Variants in RPH3AL observed in about 807,000 individuals in gnomAD.
The protein encoded by RPH3AL is rab effector Noc2.
In RPH3AL, 38 loss-of-function variants were observed where a neutral mutation model predicts 43.1. The ratio of observed to expected loss-of-function variants is 0.88; its 90% CI spans 0.68 to 1.15. The LOEUF is 1.15. Among genes scored for constraint, RPH3AL ranks in the 50% most tolerant of loss-of-function variants. The pLI is 0.00. For synonymous variants in RPH3AL, 189 were observed against 176.3 expected (o/e 1.07, Z -0.57); for missense variants, 462 against 423.2 (o/e 1.09, Z -0.81).
At chr17:261,309 G>A (rs1045212667) in intron 6 of RPH3AL, among the ~76,000 whole-genome samples, 5 of 152,180 alleles carry the variant, frequency 3.3e-5, no homozygotes, top group African/African-American at 9.7e-5. Flanking sequence ...GAGGGTGATC[G>A]CTGCCCTTAT....
intron 6 of RPH3AL, among the ~76,000 whole-genome samples, chr17:266,212 G>A (rs115440024): frequency 0.01 from 1,544 of 151,958 alleles, 27 homozygotes; most frequent in African/African-American, 0.035. Flanking sequence ...TGGTGTGTGT[G>A]TGTGTGTGTG....
chr17:315,152 G>T (rs2043915691), intron 5 of RPH3AL, among the ~76,000 whole-genome samples: 1 of 149,880 alleles, frequency 6.7e-6, no homozygotes, highest in Non-Finnish European at 1.5e-5. Context: ...CCATTGACCT[G>T]TAGTCCCTGT....
chr17:321,998 G>A (rs1265420615), intron 3 of RPH3AL, among the ~76,000 whole-genome samples: 1 of 152,226 alleles, frequency 6.6e-6, no homozygotes, highest in African/African-American at 2.4e-5. Context: ...AGTTCACCAG[G>A]GGACAGGAAA....
At chr17:217,338 C>CTTT (rs2040833170) in intron 8 of RPH3AL, among the ~76,000 whole-genome samples, 1 of 93,846 alleles carries the variant, frequency 1.1e-5, no homozygotes, top group Non-Finnish European at 2.9e-5. Flanking sequence ...ATTACAGAGC[C>CTTT]CTTCTTCTGC....
intron 6 of RPH3AL, among the ~76,000 whole-genome samples, chr17:265,942 C>T (rs4371209): frequency 6.6e-6 from 1 of 152,110 alleles, no homozygotes; most frequent in Non-Finnish European, 1.5e-5. Context: ...CCGCTCACGG[C>T]GGATGTTCAG....
chr17:299,026 C>T (rs997825565), intron 5 of RPH3AL, among the ~76,000 whole-genome samples: 50 of 149,704 alleles, frequency 3.3e-4, no homozygotes, highest in African/African-American at 1.1e-3. Context: ...GTGTTTTCGA[C>T]TTTATGCTGC....
chr17:352,318 G>C (rs145745886), intron 1 of RPH3AL, among the ~76,000 whole-genome samples: 339 of 152,330 alleles, frequency 2.2e-3, no homozygotes, highest in African/African-American at 7.7e-3. Context: ...TCTGCTGCTA[G>C]CGCACAACCC....
intron 5 of RPH3AL, among the ~76,000 whole-genome samples, chr17:311,094 C>G (rs565919178): frequency 1.3e-5 from 2 of 152,146 alleles, no homozygotes; most frequent in South Asian, 4.1e-4. Context: ...CCATTCACTG[C>G]TCAAATGCAG....
intron 5 of RPH3AL, among the ~76,000 whole-genome samples, chr17:307,639 C>T (rs772346323): frequency 3.9e-5 from 6 of 152,202 alleles, no homozygotes; most frequent in Non-Finnish European, 5.9e-5. Context: ...TGCAAAGCTC[C>T]GTCCAGAAAG....
At position 215,544 on chromosome 17, in the gene RPH3AL, C is replaced by T; in HGVS notation, c.876+110G>A. On this transcript the variant is annotated intron_variant, in intron 9 of 9. Coordinates refer to ENST00000331302, the MANE Select transcript of RPH3AL (RefSeq NM_006987.4). This position sits in a 1 kb window ranked among gnomAD's most constrained non-coding sequence, Gnocchi z 4.1. The stretch of plus-strand genomic sequence containing the variant: ...CCCCCGCACAGTGCTTGGTAAACAA[C>T]ATGCAGAATTGAAAACGTCACCGAC... 9.7e-7 allele frequency: 1 copy of T among 1,027,694 alleles called. No homozygotes were observed. The highest frequency in any genetic ancestry group is 1.3e-6 in the Non-Finnish European group (1 of 797,532). 63.7% of individuals were successfully genotyped at this position (1,027,694 alleles called of 1,614,324 possible). A position where few individuals can be genotyped will look rare whatever the true frequency, so the allele number is the denominator to read the frequency against.
chr17:315,018 C>T (rs960706935), intron 5 of RPH3AL, among the ~76,000 whole-genome samples: 22 of 82,284 alleles, frequency 2.7e-4, no homozygotes, highest in Admixed American at 4.1e-4. Flanking sequence ...CTGTGCTCCA[C>T]CTCCATTGAC....
rs544585655 is a variant in RPH3AL at position 297,865 on chromosome 17, G to C, written c.352-16011C>G. Among the ~76,000 whole-genome samples, 364 of 152,226 alleles carry C rather than the reference G, an allele frequency of 2.4e-3. 8 individuals carry two copies. Among genetic ancestry groups the C allele is most frequent in the Non-Finnish European group, 4.4e-4 (30 of 68,018 alleles). ...ACACTTGTAAGTCCCCGTTACTCCC[G>C]GGCCCTGGACTAGCCAGCGGACAGG... On this transcript the variant is annotated intron_variant, in intron 5 of 9. Transcript: ENST00000331302.
chr17:331,774 A>C (rs754488401), intron 2 of RPH3AL: 2 of 1,289,182 alleles, frequency 1.6e-6, no homozygotes, highest in African/African-American at 3.0e-5. Context: ...CAGAGGGCAG[A>C]AAGTCTGACC....
chr17:340,734 A>T (rs1305323422), intron 1 of RPH3AL, among the ~76,000 whole-genome samples: 10 of 19,132 alleles, frequency 5.2e-4, no homozygotes, highest in African/African-American at 1.3e-3. Flanking sequence ...ACTGCCCCCC[A>T]CCCAGGCCTC....
intron 6 of RPH3AL, among the ~76,000 whole-genome samples, chr17:272,960 GTCA>G (rs2042520675): frequency 8.9e-5 from 3 of 33,682 alleles, no homozygotes; most frequent in Admixed American, 7.5e-4. Context: ...CAAGGGCTAC[GTCA>G]GGGTGAGACC....
chr17:293,411 T>A (rs1208079181), intron 5 of RPH3AL, among the ~76,000 whole-genome samples: 1 of 150,524 alleles, frequency 6.6e-6, no homozygotes, highest in Non-Finnish European at 1.5e-5. Context: ...CCTCTGCGAG[T>A]GTCAGTCTCA....
intron 3 of RPH3AL, among the ~76,000 whole-genome samples, chr17:325,444 C>T (rs951822439): frequency 1.2e-4 from 18 of 152,276 alleles, no homozygotes; most frequent in East Asian, 7.7e-4. Context: ...CACTGACCTC[C>T]GGCCAGGGCC....
chr17:309,315 GCT>G (rs1403968992), intron 5 of RPH3AL, among the ~76,000 whole-genome samples: 1 of 152,200 alleles, frequency 6.6e-6, no homozygotes, highest in Non-Finnish European at 1.5e-5. Flanking sequence ...CACTCCTCCT[GCT>G]CTGTCCATGG....
intron 5 of RPH3AL, among the ~76,000 whole-genome samples, chr17:302,314 C>T (rs539214514): frequency 1.0e-3 from 159 of 152,354 alleles, no homozygotes; most frequent in African/African-American, 3.7e-3. Flanking sequence ...AGGTTCTGAG[C>T]ACAGCTGTCT....
Sources: allele counts gnomAD v4.1 joint callset (sites outside exome capture counted in the v4.1 genomes callset), GRCh38; gene constraint gnomAD v4.1.1; non-coding constraint Gnocchi (gnomAD v3.1); transcripts MANE v1.5; gene names NCBI Gene and HGNC (gene_info 2026-07-23, HGNC 2026-07-21).